The following FAM131C variants were observed in gnomAD, a reference collection of about 807,000 sequenced individuals.
FAM131C encodes protein FAM131C.
In FAM131C, 14 loss-of-function variants were observed where a neutral mutation model predicts 29.8. That is an observed-to-expected ratio of 0.47 (90% confidence interval 0.31 to 0.73). The LOEUF (loss-of-function observed/expected upper bound fraction) is 0.73, where lower values mean the gene tolerates loss of function less well. Among genes scored for constraint, FAM131C ranks in the 30% least tolerant of loss-of-function variants. The pLI, the probability that FAM131C is intolerant of heterozygous loss-of-function variation, is 0.05. For synonymous variants in FAM131C, 86 were observed against 157.8 expected, an observed-to-expected ratio of 0.54 and a Z score of 3.41; for missense variants, 252 against 383.8, an observed-to-expected ratio of 0.66 and a Z score of 2.87.
At chr1:16,059,367 G>A (rs1312839031) in intron 6 of FAM131C, 127 bp downstream of exon 6, 1 of 1,393,934 alleles carries the variant, frequency 7.2e-7, no homozygotes, top group Non-Finnish European at 9.7e-7. Context: ...CCATTTTGCA[G>A]ATGAAGAAAC....
intron 1 of FAM131C, among the ~76,000 whole-genome samples, chr1:16,064,763 G>A (rs1262320436): frequency 2.0e-5 from 3 of 152,014 alleles, no homozygotes; most frequent in African/African-American, 4.8e-5. Context: ...CTACTTCCTC[G>A]TCCTCCACTT....
chr1:16,062,984 A>G (rs1471168001), intron 2 of FAM131C, among the ~76,000 whole-genome samples: 7 of 152,298 alleles, frequency 4.6e-5, no homozygotes, highest in Admixed American at 3.9e-4. Flanking sequence ...TATATCATCC[A>G]GTGGGTTCAT....
chr1:16,073,378 TC>T (rs1171512507), intron 1 of FAM131C, 42 bp downstream of exon 1: 2 of 1,127,940 alleles, frequency 1.8e-6, no homozygotes, highest in Non-Finnish European at 2.2e-6. Context: ...ACTGCGCGGG[TC>T]CCCGGCACCC....
chr1:16,070,635 AT>A (rs2023738838), intron 1 of FAM131C, among the ~76,000 whole-genome samples: 1 of 152,212 alleles, frequency 6.6e-6, no homozygotes, highest in African/African-American at 2.4e-5. Context: ...CTATTATAAT[AT>A]ATACAATATT....
Position 16,063,618 on chromosome 1 carries a change from TG to T in FAM131C, c.40del (p.His14ThrfsTer13). Reference protein sequence around the residue: ...CVSRDLFTSAHKNCPMPQGAD... With the variant: ...CVSRDLFTSAXKNCPMPQGAD... ...ACCCTGGGGCATGGGGCAGTTCTTG[TG>T]GGCACTTGTGAACAGGTCTGGAAAT... is the stretch of plus-strand genomic sequence containing the variant. On this transcript the variant is annotated frameshift_variant, in exon 2 of 7. Coordinates refer to ENST00000375662, the MANE Select transcript of FAM131C (RefSeq NM_182623.3). LOFTEE classifies it high-confidence loss of function. 1 of 1,611,948 alleles carries T rather than the reference TG, an allele frequency of 6.2e-7. No homozygotes were observed. Among genetic ancestry groups the T allele is most frequent in the Non-Finnish European group, 8.5e-7 (1 of 1,178,864 alleles).
chr1:16,069,283 C>G (rs545678545), intron 1 of FAM131C, among the ~76,000 whole-genome samples: 2 of 152,328 alleles, frequency 1.3e-5, no homozygotes, highest in South Asian at 2.1e-4. Flanking sequence ...ACGGGCAAAG[C>G]TGTACCTCTC....
In FAM131C at chr1:16,057,787, C is replaced by T. The variant is rs1177909529; in HGVS notation, c.*650G>A. On this transcript the variant is annotated 3_prime_UTR_variant, in exon 7 of 7. Transcript: ENST00000375662. ...AAGGTCATCCAGGGTGAATCCACCA[C>T]TTTAATGTCCTCAGAGAACCTTGAG... is the stretch of plus-strand genomic sequence containing the variant. 1 of 172,228 alleles carries T rather than the reference C, an allele frequency of 5.8e-6. No individual in the cohort carries two copies. Among genetic ancestry groups the T allele is most frequent in the Admixed American group, 5.6e-5 (1 of 17,740 alleles). 10.7% of individuals were successfully genotyped at this position (172,228 alleles called of 1,614,324 possible).
intron 4 of FAM131C, among the ~76,000 whole-genome samples, chr1:16,061,265 C>T (rs761224532): frequency 2.9e-5 from 4 of 138,292 alleles, no homozygotes; most frequent in Non-Finnish European, 6.4e-5. Flanking sequence ...TCAAGTGGCC[C>T]TTGAAGGGCA....
rs577794573 is a variant in FAM131C, at chr1:16,067,169, G to A, written c.23-3533C>T. Among the ~76,000 whole-genome samples the A allele has an allele frequency of 6.6e-5, 10 of 152,298 alleles. No individual in the cohort carries two copies. In the East Asian group the frequency reaches 1.9e-3, roughly 29 times the overall value. On this transcript the variant is annotated intron_variant, in intron 1 of 6. Transcript: ENST00000375662. The stretch of plus-strand genomic sequence containing the variant: ...CCCGCCTGGCTCCCCACCTCAGTTG[G>A]GGTTCAGGTGCCTCCACCAAAGCTG...
chr1:16,062,525 T>C lies in FAM131C; in HGVS notation c.148A>G (p.Met50Val), dbSNP rs760994947. The C allele has an allele frequency of 6.3e-7, 1 of 1,580,386 alleles. No individual in the cohort carries two copies. The highest frequency in any genetic ancestry group is 8.6e-7 in the Non-Finnish European group (1 of 1,163,358). Residue 50 changes from methionine to valine, a missense_variant, in exon 3 of 7, where the codon ATG becomes GTG. By Grantham distance (21) the Met-to-Val change is conservative. Around this residue, in one of 6 missense-constraint regions of FAM131C, gnomAD observed 52 missense variants for 105.9 expected, o/e 0.49. Coordinates refer to ENST00000375662, the MANE Select transcript of FAM131C (RefSeq NM_182623.3). ...TGCCAAGGATCCCAACAGAAATCCATCTGTTTGTCCTAAAACAAGAGGAGA... is the reference window on the plus strand; with the variant it reads ...TGCCAAGGATCCCAACAGAAATCCACCTGTTTGTCCTAAAACAAGAGGAGA... Reference protein sequence around the residue: ...PDCVIGKDKQMDFCWDPWQRC... With the variant: ...PDCVIGKDKQVDFCWDPWQRC...
intron 4 of FAM131C, among the ~76,000 whole-genome samples, chr1:16,061,488 C>T (rs1249476740): frequency 2.0e-5 from 3 of 152,112 alleles, no homozygotes; most frequent in Non-Finnish European, 2.9e-5. Flanking sequence ...TCTGGAGAAC[C>T]GCCCTGAGCT....
At chr1:16,071,526 C>T (rs12131325) in intron 1 of FAM131C, among the ~76,000 whole-genome samples, 76 of 152,216 alleles carry the variant, frequency 5.0e-4, no homozygotes, top group Non-Finnish European at 9.1e-4. Flanking sequence ...TCTCTGGGAC[C>T]CTGGCTGTCC....
chr1:16,069,571 G>T (rs2124135437), intron 1 of FAM131C, among the ~76,000 whole-genome samples: 1 of 152,330 alleles, frequency 6.6e-6, no homozygotes, highest in African/African-American at 2.4e-5. Context: ...AGAGGGCTGG[G>T]GCATGAGTGA....
chr1:16,058,485 G>C lies in FAM131C; in HGVS notation c.795C>G (p.Ser265=). The C allele has an allele frequency of 6.7e-7, 1 of 1,498,574 alleles. No homozygotes were observed. The highest frequency in any genetic ancestry group is 8.9e-7 in the Non-Finnish European group (1 of 1,126,496). 92.8% of individuals were successfully genotyped at this position (1,498,574 alleles called of 1,614,324 possible). The change falls in exon 7 of 7, where the codon TCC becomes TCG. Residue 265 remains serine (S), a synonymous_variant. Transcript: ENST00000375662. ...GGTHPPGSLP[S]MDSGSLWEED... ...CCTCCCAGAGGGAGCCGCTGTCCAT[G>C]GAGGGGAGGGAGCCCGGGGGGTGGG... is the stretch of plus-strand genomic sequence containing the variant.
rs1394766376 is a variant in FAM131C at position 16,059,679 on chromosome 1, G to T, written c.452-75C>A. ...TCAGTGCCTGATGGAGCTGCTCCAGGACAGGCGGGAGGGTGGCCACCTCTC... is the reference window on the plus strand; with the variant it reads ...TCAGTGCCTGATGGAGCTGCTCCAGTACAGGCGGGAGGGTGGCCACCTCTC... On this transcript the variant is annotated intron_variant, in intron 5 of 6. Transcript: ENST00000375662. 2.9e-6 allele frequency: 4 copies of T among 1,392,062 alleles called. No homozygotes were observed. The Admixed American group carries it at 9.1e-5, about 32-fold the overall frequency. The allele number at this position is 1,392,062 out of a possible 1,614,324, so 86.2% of individuals were successfully genotyped here. A position where few individuals can be genotyped will look rare whatever the true frequency, so the allele number is the denominator to read the frequency against.
intron 1 of FAM131C, among the ~76,000 whole-genome samples, chr1:16,068,893 A>G (rs1441194039): frequency 1.3e-5 from 2 of 152,022 alleles, no homozygotes; most frequent in Non-Finnish European, 2.9e-5. Context: ...TGGATTAGGT[A>G]CCTCACCTGT....
chr1:16,068,316 G>A (rs554362299), intron 1 of FAM131C, among the ~76,000 whole-genome samples: 7 of 152,234 alleles, frequency 4.6e-5, no homozygotes, highest in Non-Finnish European at 1.0e-4. Flanking sequence ...ATTCTCATCT[G>A]TGAAATAATA....
chr1:16,072,521 G>A (rs2023763406), intron 1 of FAM131C, among the ~76,000 whole-genome samples: 1 of 152,182 alleles, frequency 6.6e-6, no homozygotes, highest in Admixed American at 6.5e-5. Context: ...TCCCACTGTG[G>A]GGTGAACAGA....
intron 3 of FAM131C, 102 bp downstream of exon 3, chr1:16,062,397 C>CCCCCCCCCCCCCCCCA: frequency 7.2e-7 from 1 of 1,396,414 alleles, no homozygotes; most frequent in South Asian, 1.5e-5. Flanking sequence ...CCCCCCCCGC[C>CCCCCCCCCCCCCCCCA]CCAGGGCCAG....
Sources: gnomAD v4.1 joint callset for allele counts (sites outside exome capture counted in the v4.1 genomes callset) on GRCh38, gnomAD v4.1.1 for gene constraint, gnomAD v4.1.1 regional missense constraint, MANE v1.5 for transcripts, NCBI Gene and HGNC (gene_info 2026-07-23, HGNC 2026-07-21) for gene names.